Variants in COL26A1 observed in about 807,000 individuals in gnomAD.
COL26A1 encodes collagen type XXVI alpha 1 chain.
A neutral mutation model predicts 59.3 loss-of-function variants in COL26A1; 41 were observed. That is an observed-to-expected ratio of 0.69 (90% CI 0.54 to 0.90). COL26A1 has a LOEUF of 0.90. Among genes scored for constraint, COL26A1 ranks in the 40% least tolerant of loss-of-function variants. The probability of loss-of-function intolerance (pLI) is 0.00; values close to 1 mark genes in which losing one functional copy is unlikely to be tolerated. For synonymous variants in COL26A1, 266 were observed against 256.0 expected, an observed-to-expected ratio of 1.04 and a Z score of -0.37; for missense variants, 612 against 602.3, an observed-to-expected ratio of 1.02 and a Z score of -0.17.
intron 2 of COL26A1, among the ~76,000 whole-genome samples, chr7:101,442,473 G>T (rs775708159): frequency 6.6e-6 from 1 of 152,092 alleles, no homozygotes; most frequent in Non-Finnish European, 1.5e-5. Context: ...CAGAACAAAA[G>T]ATATGGCATA....
At chr7:101,512,996 T>TTTA (rs60374143) in intron 3 of COL26A1, among the ~76,000 whole-genome samples, 33,154 of 149,450 alleles carry the variant, frequency 0.22, 3,907 homozygotes, top group African/African-American at 0.29. Context: ...TTTTTACAAT[T>TTTA]TTATTATTAT....
At chr7:101,466,829 TGTGTGTGTGAGAGA>T (rs1562995021) in intron 3 of COL26A1, among the ~76,000 whole-genome samples, 1 of 138,776 alleles carries the variant, frequency 7.2e-6, no homozygotes, top group African/African-American at 2.8e-5. Context: ...TGTGTGTGTG[TGTGTGTGTGAGAGA>T]GAGAGATTCA....
At chr7:101,450,992 T>A (rs1050271035) in intron 3 of COL26A1, among the ~76,000 whole-genome samples, 86 of 145,288 alleles carry the variant, frequency 5.9e-4, no homozygotes, top group South Asian at 1.1e-3. Context: ...ATTCATATAT[T>A]GAATAATATA....
At chr7:101,471,258 C>T (rs1481206462) in intron 3 of COL26A1, among the ~76,000 whole-genome samples, 1 of 152,124 alleles carries the variant, frequency 6.6e-6, no homozygotes, top group Non-Finnish European at 1.5e-5. Flanking sequence ...GCCTTGTGCA[C>T]ATGGCTGAGC....
intron 3 of COL26A1, among the ~76,000 whole-genome samples, chr7:101,514,272 A>G (rs916328827): frequency 2.6e-5 from 4 of 152,138 alleles, no homozygotes; most frequent in South Asian, 2.1e-4. Flanking sequence ...CAGGAGGCAG[A>G]GGCTGCAGTG....
At chr7:101,435,593 G>A (rs532738563) in intron 2 of COL26A1, among the ~76,000 whole-genome samples, 13 of 152,262 alleles carry the variant, frequency 8.5e-5, no homozygotes, top group Non-Finnish European at 1.8e-4. Context: ...CAGTGGGGAC[G>A]TTGGGCGTCA....
intron 1 of COL26A1, among the ~76,000 whole-genome samples, chr7:101,384,879 C>T (rs981534240): frequency 9.5e-4 from 144 of 152,172 alleles, no homozygotes; most frequent in African/African-American, 3.3e-3. Context: ...AGCCTTCAGT[C>T]TGTGGCTGAA....
rs115903001 is a variant in COL26A1 at position 101,399,922 on chromosome 7, A to G, written c.159-20055A>G. ...CCCTGGCCTTCCCAGATATTTACTT[A>G]TCACCCACTCAATGCCAGATGCTGC... On this transcript the variant is annotated intron_variant, in intron 1 of 12. Transcript: ENST00000313669. Among the ~76,000 whole-genome samples, 1,088 of 152,266 alleles carry G rather than the reference A, an allele frequency of 7.1e-3. 12 individuals are homozygous for G. The highest frequency in any genetic ancestry group is 0.025 in the African/African-American group (1,048 of 41,554).
intron 2 of COL26A1, among the ~76,000 whole-genome samples, chr7:101,427,947 A>G (rs1792686590): frequency 6.6e-6 from 1 of 152,188 alleles, no homozygotes; most frequent in Non-Finnish European, 1.5e-5. Context: ...TGACTAATGT[A>G]AACAGCCTCT....
intron 5 of COL26A1, among the ~76,000 whole-genome samples, chr7:101,542,752 G>A (rs553185513): frequency 3.0e-4 from 45 of 152,064 alleles, no homozygotes; most frequent in Non-Finnish European, 5.0e-4. Context: ...GAGGAGGGCC[G>A]AGCTCAGGTC....
intron 1 of COL26A1, among the ~76,000 whole-genome samples, chr7:101,381,120 A>T (rs1374885613): frequency 6.6e-6 from 1 of 152,178 alleles, no homozygotes; most frequent in Non-Finnish European, 1.5e-5. Context: ...AGTTCTTGAG[A>T]TCAGAAGTCC....
rs146128581 is a variant in COL26A1, at chr7:101,401,392, A to C, written c.159-18585A>C. Reference sequence around the variant, plus strand: ...CTCTCCCAGCTCTAATCCTGCCAGGAGGAGGAGGAAGAAGAAGAGGAGCAG... The same window carrying C: ...CTCTCCCAGCTCTAATCCTGCCAGGCGGAGGAGGAAGAAGAAGAGGAGCAG... On this transcript the variant is annotated intron_variant, in intron 1 of 12. Transcript: ENST00000313669. Among the ~76,000 whole-genome samples the C allele has an allele frequency of 7.4e-3, 1,123 of 152,142 alleles. 20 individuals are homozygous for C. Among genetic ancestry groups the C allele is most frequent in the East Asian group, 0.069 (357 of 5,162 alleles).
chr7:101,514,026 T>C (rs1424064812), intron 3 of COL26A1, among the ~76,000 whole-genome samples: 1 of 151,970 alleles, frequency 6.6e-6, no homozygotes, highest in South Asian at 2.1e-4. Context: ...ATTAACAATG[T>C]AGAAAATGCA....
At chr7:101,551,229 G>T (rs111999377) in intron 10 of COL26A1, 86 bp downstream of exon 10, 2 of 1,041,154 alleles carry the variant, frequency 1.9e-6, no homozygotes, top group Non-Finnish European at 1.4e-6. Flanking sequence ...GCGGGGGTTG[G>T]TGGGGGGGTT....
rs1206321179 is a variant in COL26A1, at chr7:101,557,563, T to TA, written c.*34dup. ...CTGCTCCAGGACACCCTGTCCTGGC[T>TA]AGAGACCCAGCCCCAGAGGCCTGAG... On this transcript the variant is annotated 3_prime_UTR_variant, in exon 13 of 13. Transcript: ENST00000313669. The TA allele has an allele frequency of 2.5e-6, 4 of 1,571,824 alleles. No homozygotes were observed. The highest frequency in any genetic ancestry group is 3.5e-6 in the Non-Finnish European group (4 of 1,154,656).
chr7:101,481,165 T>A (rs1370854959), intron 3 of COL26A1, among the ~76,000 whole-genome samples: 2 of 152,126 alleles, frequency 1.3e-5, no homozygotes, highest in Non-Finnish European at 2.9e-5. Context: ...ACTCTGCTGA[T>A]CAGCAGACAG....
At chr7:101,419,851 C>A in intron 1 of COL26A1, 126 bp from the exon 2 acceptor site, 2 of 918,912 alleles carry the variant, frequency 2.2e-6, no homozygotes, top group Non-Finnish European at 3.3e-6. Flanking sequence ...GTGGGCCCCC[C>A]ATCCAAGAGA....
intron 3 of COL26A1, among the ~76,000 whole-genome samples, chr7:101,531,691 C>T (rs969126418): frequency 6.6e-6 from 1 of 152,188 alleles, no homozygotes; most frequent in Non-Finnish European, 1.5e-5. Flanking sequence ...CCTCGACCAC[C>T]TATTCCCAGG....
chr7:101,530,569 A>G (rs1461042289), intron 3 of COL26A1, among the ~76,000 whole-genome samples: 1 of 145,004 alleles, frequency 6.9e-6, no homozygotes, highest in Admixed American at 6.8e-5. Context: ...CTGTCTTTAA[A>G]AAAAAAAAAA....
Sources: gnomAD v4.1 joint callset for allele counts (sites outside exome capture counted in the v4.1 genomes callset) on GRCh38, gnomAD v4.1.1 for gene constraint, MANE v1.5 for transcripts, NCBI Gene and HGNC (gene_info 2026-07-23, HGNC 2026-07-21) for gene names.